The following KLK14 variants were observed in gnomAD, a reference collection of about 807,000 sequenced individuals.
KLK14 encodes the protein kallikrein related peptidase 14.
KLK14 carries 21 observed loss-of-function variants against 24.6 expected under a neutral mutation model. The observed-to-expected ratio is 0.85, with a 90% CI of 0.61 to 1.23. The LOEUF (loss-of-function observed/expected upper bound fraction) is 1.23, where lower values mean the gene tolerates loss of function less well. KLK14 is among the 50% of genes most tolerant of loss of function. The pLI, the probability that KLK14 is intolerant of heterozygous loss-of-function variation, is 0.00. For synonymous variants in KLK14, 133 were observed against 139.7 expected (o/e 0.95, Z 0.34); for missense variants, 320 against 338.9 (o/e 0.94, Z 0.44).
intron 4 of KLK14, 71 bp downstream of exon 4, chr19:51,079,378 C>A (rs1258842150): frequency 1.4e-6 from 2 of 1,457,878 alleles, no homozygotes; most frequent in Non-Finnish European, 1.8e-6. Context: ...CCCAGTCCCC[C>A]CAGCTCCACC....
In KLK14 at chr19:51,079,663, C is replaced by T. The variant is rs781222588; in HGVS notation, c.252G>A (p.Arg84=). 6.3e-7 allele frequency: 1 copy of T among 1,585,444 alleles called. No homozygotes were observed. The highest frequency in any genetic ancestry group is 1.1e-5 in the South Asian group (1 of 87,960). Residue 84 remains arginine, a synonymous_variant, in exon 4 of 6, where the codon AGG becomes AGA. Coordinates refer to ENST00000650543, the MANE Select transcript of KLK14 (RefSeq NM_001369775.2). ...QVALGKHNLR[R]WEATQQVLRV... ...GCAGCACCTGCTGGGTGGCCTCCCA[C>T]CTCCTCAGGTTGTGCTTGCCCAGGG...
chr19:51,078,121 G>A lies in KLK14; in HGVS notation c.642C>T (p.Leu214=). ...CCATTCCCCAAGACACGAGGCCCTG[G>A]AGCTGTCCTCTGCACACCAGGGGTC... ...SGGPLVCRGQ[L]QGLVSWGMER... is the part of the protein sequence containing the mutation. The change falls in exon 6 of 6, where the codon CTC becomes CTT. Residue 214 remains leucine (L), a synonymous_variant. Coordinates refer to ENST00000650543, the MANE Select transcript of KLK14 (RefSeq NM_001369775.2). This position sits in a 1 kb window ranked among gnomAD's most constrained non-coding sequence, Gnocchi z 5.0. 6.2e-7 allele frequency: 1 copy of A among 1,613,902 alleles called. No individual in the cohort carries two copies. The highest frequency in any genetic ancestry group is 8.5e-7 in the Non-Finnish European group (1 of 1,179,886).
rs555720281 is a variant in KLK14 at position 51,079,134 on chromosome 19, C to T, written c.467-183G>A. On this transcript the variant is annotated intron_variant, in intron 4 of 5. Transcript: ENST00000650543. ...CAGGAGTCCAGACCCCCAGTCCCTC[C>T]TCCCTCAGACCCGGGAGTCCAGGTC... Among the ~76,000 whole-genome samples the T allele has an allele frequency of 8.7e-4, 130 of 150,146 alleles. 1 individual carries two copies. Among genetic ancestry groups the T allele is most frequent in the African/African-American group, 3.1e-3 (124 of 40,594 alleles).
intron 4 of KLK14, 78 bp downstream of exon 4, chr19:51,079,371 A>G: frequency 7.2e-7 from 1 of 1,395,772 alleles, no homozygotes; most frequent in Non-Finnish European, 9.6e-7. Context: ...CAGGAGCCCC[A>G]GTCCCCCCAG....
Position 51,078,896 on chromosome 19 carries a change from C to T in KLK14, c.522G>A (p.Val174=), listed in dbSNP as rs777632398. 19 of 1,614,096 alleles carry T rather than the reference C, an allele frequency of 1.2e-5. No homozygotes were observed. The highest frequency in any genetic ancestry group is 1.4e-5 in the Non-Finnish European group (17 of 1,179,964). The change falls in exon 5 of 6, where the codon GTG becomes GTA. Residue 174 remains valine, a synonymous_variant. Coordinates refer to ENST00000650543, the MANE Select transcript of KLK14 (RefSeq NM_001369775.2). This position sits in a 1 kb window ranked among gnomAD's most constrained non-coding sequence, Gnocchi z 5.0. The part of the protein sequence containing the change: ...CVNINISPDE[V]CQKAYPRTIT... Reference sequence around the variant, plus strand: ...TGGTTCTAGGATAGGCCTTCTGGCACACCTCATCCGGGGAGATGTTGATGT... The same window carrying T: ...TGGTTCTAGGATAGGCCTTCTGGCATACCTCATCCGGGGAGATGTTGATGT...
intron 3 of KLK14, among the ~76,000 whole-genome samples, chr19:51,080,729 A>G (rs2091834484): frequency 1.3e-5 from 2 of 152,050 alleles, no homozygotes; most frequent in South Asian, 4.1e-4. Context: ...CCTGGAGTGC[A>G]ATGGTGCGAT....
chr19:51,079,294 G>T (rs920922532), intron 4 of KLK14, among the ~76,000 whole-genome samples, 155 bp downstream of exon 4: 1 of 147,572 alleles, frequency 6.8e-6, no homozygotes, highest in Non-Finnish European at 1.5e-5. Context: ...AGACCCAGGA[G>T]TCCAGGCCTC....
In KLK14 at chr19:51,078,972, A is replaced by G. The variant is rs1370107852; in HGVS notation, c.467-21T>C. 15 of 1,611,888 alleles carry G rather than the reference A, an allele frequency of 9.3e-6. No individual in the cohort carries two copies. Among genetic ancestry groups the G allele is most frequent in the Non-Finnish European group, 1.3e-5 (15 of 1,179,328 alleles). On this transcript the variant is annotated intron_variant, in intron 4 of 5. Transcript: ENST00000650543. This position sits in a 1 kb window ranked among gnomAD's most constrained non-coding sequence, Gnocchi z 5.0. ...CCTGGCTGGGGGACACTGCAGGGTT[A>G]TAACTGGGTCTACCCTCCCATAAGA... is the stretch of plus-strand genomic sequence containing the variant.
At chr19:51,083,286 G>GGAGA (rs756954891), upstream of KLK14, among the ~76,000 whole-genome samples, 240 of 133,462 alleles carry the variant, frequency 1.8e-3, no homozygotes, top group African/African-American at 3.7e-3. Context: ...AGGGAGAGAG[G>GGAGA]GAGAGAGAGA....
chr19:51,078,001 A>C lies in KLK14; in HGVS notation c.*6T>G. The C allele has an allele frequency of 6.2e-7, 1 of 1,613,530 alleles. No homozygotes were observed. Among genetic ancestry groups the C allele is most frequent in the Non-Finnish European group, 8.5e-7 (1 of 1,179,680 alleles). ...GCTGACGAGGTCCATCCCACCGTGA[A>C]GACCATCATTTGTCCCGCATCGTTT... is the stretch of plus-strand genomic sequence containing the variant. On this transcript the variant is annotated 3_prime_UTR_variant, in exon 6 of 6. Transcript: ENST00000650543. The surrounding 1 kb of genome is among the most constrained non-coding windows in gnomAD (Gnocchi z 5.0).
Position 51,081,676 on chromosome 19 carries a change from T to C in KLK14, c.68A>G (p.Asn23Ser), listed in dbSNP as rs1367238900. The change falls in exon 3 of 6, where the codon AAC (asparagine) becomes AGC (serine). Residue 23 changes from asparagine to serine, a missense_variant. Transcript: ENST00000650543. ...GCACGTATGGCCACCAATTATCTTGTTCTCATCCTCTTGGCTCTGTGTCAT... is the reference window on the plus strand; with the variant it reads ...GCACGTATGGCCACCAATTATCTTGCTCTCATCCTCTTGGCTCTGTGTCAT... ...IAMTQSQEDENKIIGGHTCTR... is the reference protein window; with the variant it reads ...IAMTQSQEDESKIIGGHTCTR... The C allele has an allele frequency of 1.6e-5, 25 of 1,551,586 alleles. No homozygotes were observed. The highest frequency in any genetic ancestry group is 1.9e-5 in the Non-Finnish European group (22 of 1,146,386).
At position 51,079,450 on chromosome 19, in the gene KLK14, G is replaced by C. The variant is rs373226064; in HGVS notation, c.465C>G (p.Ile155Met). The C allele has an allele frequency of 8.1e-6, 13 of 1,607,414 alleles. No individual in the cohort carries two copies. The highest frequency in any genetic ancestry group is 1.0e-5 in the Non-Finnish European group (12 of 1,175,954). Reference protein sequence around the residue: ...VSGWGTISSPIARYPASLQCV... With the variant: ...VSGWGTISSPMARYPASLQCV... ...TTTCCAAGACGCAGGAGTCCTCACC[G>C]ATGGGGCTGGATATAGTTCCCCAGC... Residue 155 changes from isoleucine to methionine, a missense_variant and splice_region_variant, in exon 4 of 6, where the codon ATC (isoleucine) becomes ATG (methionine). By Grantham distance (10) the Ile-to-Met change is conservative. Coordinates refer to ENST00000650543, the MANE Select transcript of KLK14 (RefSeq NM_001369775.2).
intron 3 of KLK14, 23 bp downstream of exon 3, chr19:51,081,509 G>A (rs1215400165): frequency 2.0e-6 from 3 of 1,486,152 alleles, no homozygotes; most frequent in Admixed American, 2.3e-5. Flanking sequence ...CTAGGTACAG[G>A]GACAGGGGAG....
At position 51,078,189 on chromosome 19, in the gene KLK14, T is replaced by G. The variant is rs762227199; in HGVS notation, c.604-30A>C. 6.2e-7 allele frequency: 1 copy of G among 1,609,106 alleles called. No individual in the cohort carries two copies. Among genetic ancestry groups the G allele is most frequent in the South Asian group, 1.1e-5 (1 of 90,720 alleles). Reference sequence around the variant, plus strand: ...GGGGGAGGAACAGAAATGGAGACACTGATGGACAGGTAGCCAGAGCCACCA... The same window carrying G: ...GGGGGAGGAACAGAAATGGAGACACGGATGGACAGGTAGCCAGAGCCACCA... On this transcript the variant is annotated intron_variant, in intron 5 of 5. Coordinates refer to ENST00000650543, the MANE Select transcript of KLK14 (RefSeq NM_001369775.2). The surrounding 1 kb of genome is among the most constrained non-coding windows in gnomAD (Gnocchi z 5.0).
rs1223823411 is a variant in KLK14 at position 51,078,325 on chromosome 19, C to T, written c.604-166G>A. 2.0e-5 allele frequency among the ~76,000 whole-genome samples: 3 copies of T among 152,112 alleles called. No individual in the cohort carries two copies. The highest frequency in any genetic ancestry group is 1.3e-4 in the Admixed American group (2 of 15,278). On this transcript the variant is annotated intron_variant, in intron 5 of 5. Coordinates refer to ENST00000650543, the MANE Select transcript of KLK14 (RefSeq NM_001369775.2). This position sits in a 1 kb window ranked among gnomAD's most constrained non-coding sequence, Gnocchi z 5.0. ...GAGGTCTCAGCCCCGGAGGTCGGGG[C>T]ACTTCCTTCCCTCTCCGCTGGGTCT...
chr19:51,081,541 C>G lies in KLK14; in HGVS notation c.203G>C (p.Cys68Ser). ...SGQWVITAAH[C>S]GRPILQVALG... ...GGAGGGGGTCACTTACGGGCGGCCGCAGTGAGCAGCAGTGATGACCCACTG... is the reference window on the plus strand; with the variant it reads ...GGAGGGGGTCACTTACGGGCGGCCGGAGTGAGCAGCAGTGATGACCCACTG... The change falls in exon 3 of 6, where the codon TGC becomes TCC. Residue 68 changes from cysteine to serine, a missense_variant. Transcript: ENST00000650543. 3 of 1,519,342 alleles carry G rather than the reference C, an allele frequency of 2.0e-6. No homozygotes were observed. Among genetic ancestry groups the G allele is most frequent in the Non-Finnish European group, 2.7e-6 (3 of 1,128,326 alleles). The allele number at this position is 1,519,342 out of a possible 1,614,324, so 94.1% of individuals were successfully genotyped here. A position where few individuals can be genotyped will look rare whatever the true frequency, so the allele number is the denominator to read the frequency against.
chr19:51,078,212 C>A lies in KLK14; in HGVS notation c.604-53G>T. 6.3e-7 allele frequency: 1 copy of A among 1,581,092 alleles called. No individual in the cohort carries two copies. Among genetic ancestry groups the A allele is most frequent in the Non-Finnish European group, 8.6e-7 (1 of 1,160,114 alleles). On this transcript the variant is annotated intron_variant, in intron 5 of 5. Transcript: ENST00000650543. This position sits in a 1 kb window ranked among gnomAD's most constrained non-coding sequence, Gnocchi z 5.0. ...ACTGATGGACAGGTAGCCAGAGCCA[C>A]CATGGCACAGAGAACCCGAGAAGCA...
At chr19:51,080,324 G>A (rs1243775625) in intron 3 of KLK14, among the ~76,000 whole-genome samples, 1 of 152,114 alleles carries the variant, frequency 6.6e-6, no homozygotes, top group African/African-American at 2.4e-5. Flanking sequence ...ACAGGCGTGA[G>A]CCACCGCACC....
Position 51,078,064 on chromosome 19 carries a change from G to C in KLK14, c.699C>G (p.Val233=), listed in dbSNP as rs1399411828. 6.2e-7 allele frequency: 1 copy of C among 1,613,980 alleles called. No homozygotes were observed. Among genetic ancestry groups the C allele is most frequent in the South Asian group, 1.1e-5 (1 of 91,078 alleles). The change falls in exon 6 of 6, where the codon GTC becomes GTG. Residue 233 remains valine (V), a synonymous_variant. Coordinates refer to ENST00000650543, the MANE Select transcript of KLK14 (RefSeq NM_001369775.2). The surrounding 1 kb of genome is among the most constrained non-coding windows in gnomAD (Gnocchi z 5.0). The stretch of plus-strand genomic sequence containing the variant: ...TTCTGTACTTGCACAGGTTGGTGTA[G>C]ACACCGGGGTAGCCAGGCAGGGCGC... ...ERCALPGYPG[V]YTNLCKYRSW...
Sources: allele counts gnomAD v4.1 joint callset (sites outside exome capture counted in the v4.1 genomes callset), GRCh38; gene constraint gnomAD v4.1.1; non-coding constraint Gnocchi (gnomAD v3.1); transcripts MANE v1.5; gene names NCBI Gene and HGNC (gene_info 2026-07-23, HGNC 2026-07-21).